RPRD2: variants seen among roughly 807,000 people sequenced by gnomAD.
RPRD2 encodes regulation of nuclear pre-mRNA domain containing 2, also known as regulation of nuclear pre-mRNA domain-containing protein 2.
RPRD2 carries 12 observed loss-of-function variants against 104.4 expected under a neutral mutation model. That is an observed-to-expected ratio of 0.11 (90% CI 0.07 to 0.19). The LOEUF (loss-of-function observed/expected upper bound fraction) is 0.19, where lower values mean the gene tolerates loss of function less well. Ranked by LOEUF, RPRD2 falls within the 10% of genes least tolerant of loss-of-function variation. The pLI is 1.00. For synonymous variants in RPRD2, 714 were observed against 684.9 expected, an observed-to-expected ratio of 1.04 and a Z score of -0.66; for missense variants, 1,543 against 1,790.1, an observed-to-expected ratio of 0.86 and a Z score of 2.49.
In RPRD2 at chr1:150,472,896, AGTGGCAGGGGCT is replaced by A; in HGVS notation, c.3956_3967del (p.Gly1319_Ala1322del). The A allele has an allele frequency of 6.2e-7, 1 of 1,613,416 alleles. No individual in the cohort carries two copies. The highest frequency in any genetic ancestry group is 8.5e-7 in the Non-Finnish European group (1 of 1,179,588). On this transcript the variant is annotated inframe_deletion, in exon 11 of 11. Transcript: ENST00000369068. ...CAGCCCCACCACTGGCAGAGCACGG[AGTGGCAGGGGCT>A]GTGGCAGTATTTCCCAAGGACCATA...
rs1553894846 is a variant in RPRD2, at chr1:150,443,300, G to T, written c.567+17G>T. The T allele has an allele frequency of 6.5e-7, 1 of 1,530,496 alleles. No individual in the cohort carries two copies. The highest frequency in any genetic ancestry group is 2.4e-5 in the East Asian group (1 of 42,294). 94.8% of individuals were successfully genotyped at this position (1,530,496 alleles called of 1,614,324 possible). A position where few individuals can be genotyped will look rare whatever the true frequency, so the allele number is the denominator to read the frequency against. ...GAATTTCGAGTAAGTTACAGAATTT[G>T]TTTAATATAGCAAAGTATTATTCAC... On this transcript the variant is annotated intron_variant, in intron 5 of 10. Coordinates refer to ENST00000369068, the MANE Select transcript of RPRD2 (RefSeq NM_015203.5).
chr1:150,378,347 T>TA (rs1660874801), intron 1 of RPRD2, among the ~76,000 whole-genome samples: 1 of 152,172 alleles, frequency 6.6e-6, no homozygotes, highest in African/African-American at 2.4e-5. Flanking sequence ...TCAGTGAGGT[T>TA]AAAATAACTT....
intron 1 of RPRD2, among the ~76,000 whole-genome samples, chr1:150,367,538 T>C (rs1328995077): frequency 6.6e-6 from 1 of 151,634 alleles, no homozygotes; most frequent in Non-Finnish European, 1.5e-5. Context: ...TGACATCCGT[T>C]ATTTAGTAAT....
intron 1 of RPRD2, among the ~76,000 whole-genome samples, chr1:150,367,304 A>G (rs1193466086): frequency 2.6e-5 from 4 of 152,202 alleles, no homozygotes; most frequent in Non-Finnish European, 5.9e-5. Context: ...CAGTTTATGC[A>G]TGGGCCTTGT....
chr1:150,437,944 A>AT (rs1343480528), intron 2 of RPRD2, among the ~76,000 whole-genome samples: 2 of 144,408 alleles, frequency 1.4e-5, no homozygotes, highest in African/African-American at 5.1e-5. Flanking sequence ...CACTTCTTAT[A>AT]TTTTTTATGC....
At chr1:150,465,053 G>T (rs782705025) in intron 10 of RPRD2, among the ~76,000 whole-genome samples, 1 of 152,032 alleles carries the variant, frequency 6.6e-6, no homozygotes, top group Non-Finnish European at 1.5e-5. Context: ...ATTTTTAGTA[G>T]AGATGGGGTT....
intron 2 of RPRD2, among the ~76,000 whole-genome samples, chr1:150,434,917 T>G (rs587753241): frequency 7.2e-5 from 11 of 152,316 alleles, no homozygotes; most frequent in South Asian, 2.1e-4. Context: ...AGAATTTTTT[T>G]TGTGTGAAGA....
Position 150,444,389 on chromosome 1 carries a change from A to G in RPRD2, c.694+12A>G, listed in dbSNP as rs1456454556. On this transcript the variant is annotated intron_variant, in intron 6 of 10. Coordinates refer to ENST00000369068, the MANE Select transcript of RPRD2 (RefSeq NM_015203.5). ...CAAATGCTTAAAAGGTAATGCTTAC[A>G]TCCTTTTAGAGTAAGTCAGATTTTC... is the stretch of plus-strand genomic sequence containing the variant. The G allele has an allele frequency of 6.2e-7, 1 of 1,610,008 alleles. No homozygotes were observed. Among genetic ancestry groups the G allele is most frequent in the Non-Finnish European group, 8.5e-7 (1 of 1,178,394 alleles).
intron 2 of RPRD2, among the ~76,000 whole-genome samples, chr1:150,419,304 T>C (rs1298638878): frequency 6.6e-6 from 1 of 152,206 alleles, no homozygotes; most frequent in African/African-American, 2.4e-5. Context: ...CCTCAGATTA[T>C]ATATTTATTA....
At chr1:150,446,972 G>A (rs1666823578) in intron 7 of RPRD2, among the ~76,000 whole-genome samples, 1 of 151,922 alleles carries the variant, frequency 6.6e-6, no homozygotes, top group South Asian at 2.1e-4. Flanking sequence ...GAGTAGCTGG[G>A]ATTACAGGCA....
chr1:150,443,354 T>G, intron 5 of RPRD2, 71 bp downstream of exon 5: 1 of 1,079,324 alleles, frequency 9.3e-7, no homozygotes, highest in Non-Finnish European at 1.4e-6. Flanking sequence ...TCCTGTATAG[T>G]CCAATAAGAT....
chr1:150,384,173 A>G (rs138171222), intron 1 of RPRD2, among the ~76,000 whole-genome samples: 9 of 152,178 alleles, frequency 5.9e-5, no homozygotes, highest in South Asian at 2.1e-4. Context: ...TCATGTGACT[A>G]TTGTTTCCTG....
At chr1:150,398,857 A>T (rs1486078302) in intron 1 of RPRD2, among the ~76,000 whole-genome samples, 1 of 151,988 alleles carries the variant, frequency 6.6e-6, no homozygotes, top group African/African-American at 2.4e-5. Flanking sequence ...CAGCATTTTT[A>T]AAAAAGCAAT....
intron 10 of RPRD2, 49 bp from the exon 11 acceptor site, chr1:150,470,512 T>A: frequency 6.4e-7 from 1 of 1,560,682 alleles, no homozygotes; most frequent in Non-Finnish European, 8.7e-7. Context: ...GTTTGCATTG[T>A]ATGATAGGGA....
chr1:150,411,055 C>CT (rs1283176458), intron 1 of RPRD2, among the ~76,000 whole-genome samples: 29 of 152,276 alleles, frequency 1.9e-4, no homozygotes, highest in Middle Eastern at 3.4e-3. Context: ...GAGATAGCGT[C>CT]TTATTGTGTT....
At chr1:150,378,449 G>A (rs1397750397) in intron 1 of RPRD2, among the ~76,000 whole-genome samples, 3 of 152,060 alleles carry the variant, frequency 2.0e-5, no homozygotes, top group Non-Finnish European at 2.9e-5. Flanking sequence ...TATGGTAGAC[G>A]GCTTCCTGCT....
chr1:150,418,031 G>A (rs1220893431), intron 2 of RPRD2, among the ~76,000 whole-genome samples: 14 of 151,218 alleles, frequency 9.3e-5, no homozygotes, highest in African/African-American at 2.2e-4. Flanking sequence ...GCAGTGGCGC[G>A]ATCTCGGCTC....
chr1:150,468,752 C>A (rs986618110), intron 10 of RPRD2, among the ~76,000 whole-genome samples: 78 of 152,108 alleles, frequency 5.1e-4, no homozygotes, highest in African/African-American at 1.7e-3. Flanking sequence ...TGATGTACAC[C>A]TGTGGTCCCA....
chr1:150,387,913 C>CTTTT (rs34188350), intron 1 of RPRD2, among the ~76,000 whole-genome samples: 5 of 94,600 alleles, frequency 5.3e-5, no homozygotes, highest in Admixed American at 2.4e-4. Flanking sequence ...TTTCTTTTCT[C>CTTTT]TTTTTTTTTT....
Sources: allele counts gnomAD v4.1 joint callset (sites outside exome capture counted in the v4.1 genomes callset), GRCh38; gene constraint gnomAD v4.1.1; transcripts MANE v1.5; gene names NCBI Gene and HGNC (gene_info 2026-07-23, HGNC 2026-07-21).